NBAS: variants seen among roughly 807,000 people sequenced by gnomAD.
NBAS encodes NBAS subunit of NRZ tethering complex.
In NBAS, 219 loss-of-function variants were observed where a neutral mutation model predicts 302.5. That is an observed-to-expected ratio of 0.72 (90% CI 0.65 to 0.81). The LOEUF is 0.81. NBAS is among the 30% of genes least tolerant of loss of function. NBAS has a pLI of 0.00. For synonymous variants in NBAS, 1,118 were observed against 1,021.6 expected, an observed-to-expected ratio of 1.09 and a Z score of -1.80; for missense variants, 2,932 against 2,841.6, an observed-to-expected ratio of 1.03 and a Z score of -0.72.
At chr2:14,831,691 T>C in the NBAS span, among the ~76,000 whole-genome samples, 1 of 152,192 alleles carries the variant, frequency 6.6e-6, no homozygotes, top group Non-Finnish European at 1.5e-5. Context: ...CTGCTTTCGA[T>C]GAAGCCCTAG....
At chr2:15,526,409 C>T (rs1274492378) in intron 9 of NBAS, among the ~76,000 whole-genome samples, 2 of 152,140 alleles carry the variant, frequency 1.3e-5, no homozygotes, top group Non-Finnish European at 2.9e-5. Context: ...TCATAAAATC[C>T]TGTTTGTATA....
At chr2:15,254,943 A>G (rs1668524680) in intron 44 of NBAS, among the ~76,000 whole-genome samples, 1 of 152,078 alleles carries the variant, frequency 6.6e-6, no homozygotes, top group African/African-American at 2.4e-5. Context: ...TGTACCTCAC[A>G]TGTTCTTTAT....
intron 44 of NBAS, among the ~76,000 whole-genome samples, chr2:15,268,419 G>A (rs1233868814): frequency 6.6e-6 from 1 of 152,016 alleles, no homozygotes; most frequent in Non-Finnish European, 1.5e-5. Flanking sequence ...TCAAAGGCGT[G>A]GTTTTTTTAA....
chr2:14,930,319 C>A, the NBAS span, among the ~76,000 whole-genome samples: 1 of 152,134 alleles, frequency 6.6e-6, no homozygotes, highest in Non-Finnish European at 1.5e-5. Context: ...TATACTCAGC[C>A]GCACTGTGTT....
the NBAS span, among the ~76,000 whole-genome samples, chr2:15,122,523 C>T: frequency 6.6e-6 from 1 of 152,208 alleles, no homozygotes; most frequent in Admixed American, 6.5e-5. Flanking sequence ...AATCACCTCC[C>T]ACCTGGCCCC....
the NBAS span, among the ~76,000 whole-genome samples, chr2:15,083,441 C>G: frequency 6.6e-6 from 1 of 152,186 alleles, no homozygotes; most frequent in Non-Finnish European, 1.5e-5. Flanking sequence ...TCAGAAGGAA[C>G]AAAATGTCCT....
At chr2:15,223,973 C>T (rs546572497) in intron 47 of NBAS, among the ~76,000 whole-genome samples, 12 of 152,108 alleles carry the variant, frequency 7.9e-5, no homozygotes, top group East Asian at 3.9e-4. Flanking sequence ...TAATTTAGTA[C>T]GCTATTTTTA....
intron 21 of NBAS, among the ~76,000 whole-genome samples, chr2:15,437,599 A>C (rs557605387): frequency 6.6e-6 from 1 of 152,204 alleles, no homozygotes; most frequent in African/African-American, 2.4e-5. Flanking sequence ...AGTCTAACAC[A>C]CTTTAGTGTT....
At chr2:14,969,609 G>A in the NBAS span, among the ~76,000 whole-genome samples, 9 of 152,046 alleles carry the variant, frequency 5.9e-5, no homozygotes, top group African/African-American at 1.7e-4. Flanking sequence ...ACTCCTGACC[G>A]CAGGTGATCC....
the NBAS span, among the ~76,000 whole-genome samples, chr2:15,073,498 A>AT: frequency 2.1e-5 from 3 of 140,816 alleles, no homozygotes; most frequent in Admixed American, 7.0e-5. Context: ...AAAATAAAAA[A>AT]TAAAACAATA....
chr2:14,812,030 A>C, the NBAS span, among the ~76,000 whole-genome samples: 6 of 152,198 alleles, frequency 3.9e-5, no homozygotes, highest in Non-Finnish European at 7.3e-5. Flanking sequence ...TTTGTTGGCC[A>C]AGTGGTTCTT....
chr2:14,942,643 C>T, the NBAS span, among the ~76,000 whole-genome samples: 1 of 152,158 alleles, frequency 6.6e-6, no homozygotes, highest in Non-Finnish European at 1.5e-5. Context: ...TGGACTAATA[C>T]AGACTCTAAC....
intron 47 of NBAS, among the ~76,000 whole-genome samples, chr2:15,221,428 C>A (rs1666943506): frequency 6.6e-6 from 1 of 152,152 alleles, no homozygotes; most frequent in Non-Finnish European, 1.5e-5. Context: ...TAATAACAAT[C>A]TTCACCATAA....
chr2:15,416,083 AACAGAGAG>A (rs1558318197), intron 24 of NBAS, among the ~76,000 whole-genome samples: 5 of 150,100 alleles, frequency 3.3e-5, no homozygotes, highest in African/African-American at 1.0e-4. Context: ...CATACGCAAA[AACAGAGAG>A]AGAGAGAGAG....
intron 44 of NBAS, among the ~76,000 whole-genome samples, chr2:15,256,678 TG>T (rs1268243596): frequency 6.6e-6 from 1 of 152,214 alleles, no homozygotes; most frequent in Non-Finnish European, 1.5e-5. Flanking sequence ...TTCAGTATAA[TG>T]TTGGCTGTGG....
At chr2:14,913,986 A>ACT in the NBAS span, among the ~76,000 whole-genome samples, 1 of 152,160 alleles carries the variant, frequency 6.6e-6, no homozygotes, top group Non-Finnish European at 1.5e-5. Context: ...GGTTTAATGG[A>ACT]CTCACAGTTC....
At chr2:15,219,964 C>T (rs1308770709) in intron 47 of NBAS, among the ~76,000 whole-genome samples, 1 of 148,576 alleles carries the variant, frequency 6.7e-6, no homozygotes, top group Non-Finnish European at 1.5e-5. Context: ...CTCCTCACTT[C>T]CCAGTAGGGG....
At chr2:15,424,028 G>C (rs1458089647) in intron 23 of NBAS, among the ~76,000 whole-genome samples, 3 of 152,150 alleles carry the variant, frequency 2.0e-5, no homozygotes, top group Non-Finnish European at 4.4e-5. Flanking sequence ...TAAATTATAT[G>C]GTGTTAAGCC....
chr2:15,424,672 G>A (rs190603569), intron 22 of NBAS, among the ~76,000 whole-genome samples: 20 of 152,134 alleles, frequency 1.3e-4, no homozygotes, highest in East Asian at 5.8e-4. Flanking sequence ...TTTTCCCCCC[G>A]TTTTCCCGAT....
Sources: allele counts gnomAD v4.1 joint callset (sites outside exome capture counted in the v4.1 genomes callset), GRCh38; gene constraint gnomAD v4.1.1; transcripts MANE v1.5; gene names NCBI Gene and HGNC (gene_info 2026-07-23, HGNC 2026-07-21).